Variants in SAMD12 observed in about 807,000 individuals in gnomAD.
The protein encoded by SAMD12 is sterile alpha motif domain containing 12.
SAMD12 carries 9 observed loss-of-function variants against 15.0 expected under a neutral mutation model. The observed-to-expected ratio is 0.60, with a 90% CI of 0.36 to 1.05. SAMD12 has a LOEUF of 1.05. Among genes scored for constraint, SAMD12 ranks in the 50% least tolerant of loss-of-function variants. The probability of loss-of-function intolerance (pLI) is 0.01; values close to 1 mark genes in which losing one functional copy is unlikely to be tolerated. For synonymous variants in SAMD12, 86 were observed against 90.1 expected (o/e 0.96, Z 0.25); for missense variants, 230 against 234.2 (o/e 0.98, Z 0.12).
chr8:118,197,370 T>C (rs1819595327), exon 5 of SAMD12: 1 of 372,388 alleles, frequency 2.7e-6, no homozygotes, highest in African/African-American at 2.1e-5. Context: ...GTTGCCATGC[T>C]AAAACAGGAC....
chr8:118,621,856 C>T lies in SAMD12; in HGVS notation c.-40G>A, dbSNP rs773101845. On this transcript the variant is annotated 5_prime_UTR_variant, in exon 1 of 4. Coordinates refer to ENST00000314727, the MANE Select transcript of SAMD12 (RefSeq NM_207506.3). ...CCTAACGCATGCATAATTTTCTTGGCCGAGGTACTCCTCCTGCCCCGCGCT... is the reference window on the plus strand; with the variant it reads ...CCTAACGCATGCATAATTTTCTTGGTCGAGGTACTCCTCCTGCCCCGCGCT... 41 of 1,609,264 alleles carry T rather than the reference C, an allele frequency of 2.5e-5. No individual in the cohort carries two copies. Among genetic ancestry groups the T allele is most frequent in the Non-Finnish European group, 3.5e-5 (41 of 1,175,576 alleles).
intron 4 of SAMD12, among the ~76,000 whole-genome samples, chr8:118,211,022 G>C (rs1446623176): frequency 6.6e-6 from 1 of 152,298 alleles, no homozygotes; most frequent in Admixed American, 6.5e-5. Context: ...TCTAATGAGA[G>C]ATTCGCACAC....
intron 2 of SAMD12, among the ~76,000 whole-genome samples, chr8:118,440,940 T>C (rs1822740129): frequency 6.6e-6 from 1 of 152,136 alleles, no homozygotes; most frequent in Non-Finnish European, 1.5e-5. Flanking sequence ...GGCTATCATA[T>C]TGGCAGCTGT....
chr8:118,547,476 G>A (rs1474172934), intron 2 of SAMD12, among the ~76,000 whole-genome samples: 1 of 152,116 alleles, frequency 6.6e-6, no homozygotes, highest in Non-Finnish European at 1.5e-5. Flanking sequence ...TGCCCCACTA[G>A]ACTAACTGAC....
intron 2 of SAMD12, among the ~76,000 whole-genome samples, chr8:118,579,405 C>T (rs1483335784): frequency 6.6e-6 from 1 of 152,108 alleles, no homozygotes; most frequent in Non-Finnish European, 1.5e-5. Flanking sequence ...CATTGATCAT[C>T]AGCCAGTAAA....
chr8:118,509,345 T>G (rs1207268143), intron 2 of SAMD12, among the ~76,000 whole-genome samples: 1 of 152,216 alleles, frequency 6.6e-6, no homozygotes, highest in Non-Finnish European at 1.5e-5. Context: ...TTGATTAAAC[T>G]CACAGGCCAG....
At chr8:118,489,239 A>G (rs1824370670) in intron 2 of SAMD12, among the ~76,000 whole-genome samples, 2 of 152,180 alleles carry the variant, frequency 1.3e-5, no homozygotes, top group South Asian at 4.1e-4. Context: ...TACTCTGGAT[A>G]TAAGTCTTTG....
intron 2 of SAMD12, among the ~76,000 whole-genome samples, chr8:118,479,615 A>G (rs950596542): frequency 6.6e-6 from 1 of 152,142 alleles, no homozygotes; most frequent in South Asian, 2.1e-4. Context: ...GGGGACACAG[A>G]GCCAAACCAC....
chr8:118,536,604 T>G (rs1825851684), intron 2 of SAMD12, among the ~76,000 whole-genome samples: 1 of 151,910 alleles, frequency 6.6e-6, no homozygotes. Flanking sequence ...GATGACAACT[T>G]AACACTCATT....
chr8:118,298,492 C>A (rs996789070), intron 4 of SAMD12, among the ~76,000 whole-genome samples: 2 of 152,122 alleles, frequency 1.3e-5, no homozygotes, highest in East Asian at 3.8e-4. Flanking sequence ...CGATTTCTGC[C>A]TATCCTAGTG....
intron 3 of SAMD12, among the ~76,000 whole-genome samples, chr8:118,414,860 G>T (rs1297768259): frequency 6.7e-6 from 1 of 150,180 alleles, no homozygotes; most frequent in African/African-American, 2.4e-5. Context: ...CACAGAGTGG[G>T]ACACTTAATA....
intron 2 of SAMD12, among the ~76,000 whole-genome samples, chr8:118,534,455 T>TGTTCTC (rs1825782539): frequency 6.6e-6 from 1 of 152,160 alleles, no homozygotes; most frequent in Non-Finnish European, 1.5e-5. Context: ...ATCTCTGTGG[T>TGTTCTC]GTTCTCTGTG....
chr8:118,448,293 T>C (rs1262470460), intron 2 of SAMD12, among the ~76,000 whole-genome samples: 8 of 152,212 alleles, frequency 5.3e-5, no homozygotes, highest in Non-Finnish European at 1.2e-4. Flanking sequence ...CTCATTACCG[T>C]GCTCCACTAT....
At position 118,347,027 on chromosome 8, in the gene SAMD12, C is replaced by T. The variant is rs112614546; in HGVS notation, c.433+32533G>A. Among the ~76,000 whole-genome samples the T allele has an allele frequency of 4.2e-3, 641 of 152,272 alleles. 2 individuals carry two copies. The highest frequency in any genetic ancestry group is 6.6e-3 in the Non-Finnish European group (449 of 68,028). ...CATGGGATTCCTCCTGCCTTAGTAC[C>T]CCTTTACCCCCATGGCCCACCTTGA... On this transcript the variant is annotated intron_variant, in intron 4 of 4. Coordinates refer to the SAMD12 transcript ENST00000409003.
At chr8:118,524,612 T>C (rs528632252) in intron 2 of SAMD12, among the ~76,000 whole-genome samples, 1 of 152,280 alleles carries the variant, frequency 6.6e-6, no homozygotes, top group Non-Finnish European at 1.5e-5. Context: ...TTCAGACTTA[T>C]CCACTCAGCC....
chr8:118,151,204 C>T, the SAMD12 span, among the ~76,000 whole-genome samples: 1 of 151,874 alleles, frequency 6.6e-6, no homozygotes, highest in African/African-American at 2.4e-5. Context: ...CTTTAAAAAT[C>T]GTTGTCTTTA....
At chr8:118,392,865 A>C (rs1820358774) in intron 3 of SAMD12, among the ~76,000 whole-genome samples, 1 of 151,994 alleles carries the variant, frequency 6.6e-6, no homozygotes, top group Non-Finnish European at 1.5e-5. Flanking sequence ...GTTAATCAAA[A>C]ATGTCTCAGA....
chr8:118,549,253 C>A (rs989899008), intron 2 of SAMD12, among the ~76,000 whole-genome samples: 3 of 152,130 alleles, frequency 2.0e-5, no homozygotes, highest in Admixed American at 6.5e-5. Flanking sequence ...CCCTGACCCC[C>A]GAGCAGCCTA....
chr8:118,298,406 A>G (rs1814837462), intron 4 of SAMD12, among the ~76,000 whole-genome samples: 1 of 152,196 alleles, frequency 6.6e-6, no homozygotes. Flanking sequence ...CCTATCAGTA[A>G]TCTGTAATAT....
Sources: gnomAD v4.1 joint callset for allele counts (sites outside exome capture counted in the v4.1 genomes callset) on GRCh38, gnomAD v4.1.1 for gene constraint, MANE v1.5 for transcripts, NCBI Gene and HGNC (gene_info 2026-07-23, HGNC 2026-07-21) for gene names.